The following SPTSSA variants were observed in gnomAD, a reference collection of about 807,000 sequenced individuals.
The protein encoded by SPTSSA is serine palmitoyltransferase small subunit A.
A neutral mutation model predicts 9.1 loss-of-function variants in SPTSSA; 8 were observed. The ratio of observed to expected loss-of-function variants is 0.88; its 90% CI spans 0.51 to 1.58. SPTSSA has a LOEUF of 1.58. SPTSSA is among the 40% of genes most tolerant of loss of function. SPTSSA has a pLI of 0.00. For synonymous variants in SPTSSA, 42 were observed against 37.7 expected (o/e 1.11, Z -0.41); for missense variants, 100 against 93.8 (o/e 1.07, Z -0.27).
At chr14:34,456,193 G>A (rs1226292612) in intron 1 of SPTSSA, among the ~76,000 whole-genome samples, 3 of 151,800 alleles carry the variant, frequency 2.0e-5, no homozygotes, top group Admixed American at 1.3e-4. Context: ...GTGGTGGTGG[G>A]TGCCTGTTAT....
At chr14:34,451,116 C>T (rs1771477560) in intron 1 of SPTSSA, among the ~76,000 whole-genome samples, 1 of 148,798 alleles carries the variant, frequency 6.7e-6, no homozygotes, top group Non-Finnish European at 1.5e-5. Flanking sequence ...CATATAAATA[C>T]AGTACATTAG....
At chr14:34,443,550 T>C (rs1300241605) in intron 1 of SPTSSA, among the ~76,000 whole-genome samples, 4 of 91,036 alleles carry the variant, frequency 4.4e-5, no homozygotes, top group African/African-American at 1.5e-4. Flanking sequence ...TGTGTGTGTG[T>C]TTTGAGATGG....
At chr14:34,460,138 A>G (rs1878587676) in intron 1 of SPTSSA, among the ~76,000 whole-genome samples, 1 of 152,250 alleles carries the variant, frequency 6.6e-6, no homozygotes, top group Non-Finnish European at 1.5e-5. Context: ...GTTCCAAACT[A>G]TCAGATAGTT....
intron 1 of SPTSSA, among the ~76,000 whole-genome samples, chr14:34,443,750 A>G (rs1015681528): frequency 2.0e-4 from 31 of 152,126 alleles, no homozygotes; most frequent in African/African-American, 5.5e-4. Context: ...TGGTCAGGCT[A>G]GTCTCCAACT....
chr14:34,455,892 A>G (rs1446641942), intron 1 of SPTSSA, among the ~76,000 whole-genome samples: 1 of 151,992 alleles, frequency 6.6e-6, no homozygotes, highest in Non-Finnish European at 1.5e-5. Flanking sequence ...AGATCATGCC[A>G]GTGTACTCCA....
In SPTSSA at chr14:34,435,296, G is replaced by A. The variant is rs776100964; in HGVS notation, c.121C>T (p.Leu41=). 1.2e-6 allele frequency: 2 copies of A among 1,609,824 alleles called. No individual in the cohort carries two copies. Among genetic ancestry groups the A allele is most frequent in the East Asian group, 4.5e-5 (2 of 44,786 alleles). Residue 41 remains leucine, a synonymous_variant, in exon 2 of 2, where the codon CTG becomes TTG. Coordinates refer to ENST00000298130, the MANE Select transcript of SPTSSA (RefSeq NM_138288.4). Reference sequence around the variant, plus strand: ...AGTGCCATCCCCACAATGGAAACCAGCATGGAATCTGAGTTGTAGTTAAGG... The same window carrying A: ...AGTGCCATCCCCACAATGGAAACCAACATGGAATCTGAGTTGTAGTTAAGG... ...PWERTVFNSM[L]VSIVGMALYT... is the part of the protein sequence containing the mutation.
chr14:34,454,216 T>C (rs186482093), intron 1 of SPTSSA, among the ~76,000 whole-genome samples: 153 of 152,284 alleles, frequency 1.0e-3, no homozygotes, highest in African/African-American at 3.6e-3. Flanking sequence ...TTAGCTCCTA[T>C]GTGCCATAAA....
chr14:34,457,970 G>GAAAAAAAAAAAAAAAAAA (rs1566427256), intron 1 of SPTSSA, among the ~76,000 whole-genome samples: 1 of 83,360 alleles, frequency 1.2e-5, no homozygotes. Context: ...AGACTGTCTC[G>GAAAAAAAAAAAAAAAAAA]GAAAAAAAAA....
At chr14:34,439,529 A>C (rs1429807306) in intron 1 of SPTSSA, among the ~76,000 whole-genome samples, 1 of 152,186 alleles carries the variant, frequency 6.6e-6, no homozygotes, top group African/African-American at 2.4e-5. Flanking sequence ...GACCTAGGTG[A>C]AGACCAACCA....
intron 1 of SPTSSA, among the ~76,000 whole-genome samples, chr14:34,442,962 G>GTGTC (rs1883344578): frequency 6.7e-6 from 1 of 149,756 alleles, no homozygotes; most frequent in South Asian, 2.1e-4. Context: ...GGGGGTGTGT[G>GTGTC]TGTGTGTGTG....
chr14:34,457,085 TCTCCTGC>T (rs1301360958), intron 1 of SPTSSA, among the ~76,000 whole-genome samples: 13 of 151,164 alleles, frequency 8.6e-5, no homozygotes, highest in Admixed American at 2.0e-4. Flanking sequence ...TTCAAGCAAT[TCTCCTGC>T]CTCAGCCTCC....
At chr14:34,459,444 G>A (rs1317239991) in intron 1 of SPTSSA, among the ~76,000 whole-genome samples, 1 of 141,800 alleles carries the variant, frequency 7.1e-6, no homozygotes, top group Non-Finnish European at 1.5e-5. Flanking sequence ...CGGCAACAGA[G>A]CGAGACACCG....
At chr14:34,439,688 G>A (rs12432137) in intron 1 of SPTSSA, among the ~76,000 whole-genome samples, 37,548 of 151,952 alleles carry the variant, frequency 0.25, 6,932 homozygotes, top group African/African-American at 0.52. Context: ...ATTGTTTAAT[G>A]ATAATATAAG....
At position 34,462,131 on chromosome 14, in the gene SPTSSA, A is replaced by G. The variant is rs751418545; in HGVS notation, c.77T>C (p.Leu26Pro). ...FYYQYLLVTA[L>P]YMLEPWERTV... The stretch of plus-strand genomic sequence containing the variant: ...CCGCTCCCAGGGCTCCAGCATGTAG[A>G]GCGCCGTGACCAGCAGGTACTGGTA... Residue 26 changes from leucine to proline, a missense_variant, in exon 1 of 2, where the codon CTC becomes CCC. By Grantham distance (98) the Leu-to-Pro change is moderately conservative. Transcript: ENST00000298130. The G allele has an allele frequency of 6.5e-7, 1 of 1,528,286 alleles. No individual in the cohort carries two copies. The highest frequency in any genetic ancestry group is 8.8e-7 in the Non-Finnish European group (1 of 1,133,800). 94.7% of individuals were successfully genotyped at this position (1,528,286 alleles called of 1,614,324 possible).
chr14:34,454,531 T>C (rs149686647), intron 1 of SPTSSA, among the ~76,000 whole-genome samples: 10 of 152,358 alleles, frequency 6.6e-5, no homozygotes, highest in Non-Finnish European at 1.3e-4. Flanking sequence ...ACATTCTCAC[T>C]GAATCAGCCA....
intron 1 of SPTSSA, among the ~76,000 whole-genome samples, chr14:34,443,199 GTGTGTGTGTGTGTGT>G (rs1354961462): frequency 1.7e-4 from 2 of 11,680 alleles, no homozygotes; most frequent in African/African-American, 2.3e-3. Flanking sequence ...CCTCTAGGGG[GTGTGTGTGTGTGTGT>G]GTGTGTGTGT....
intron 1 of SPTSSA, among the ~76,000 whole-genome samples, chr14:34,458,497 CTTTT>C (rs1169797122): frequency 1.4e-5 from 2 of 143,804 alleles, no homozygotes; most frequent in African/African-American, 2.6e-5. Context: ...GATCGACTTT[CTTTT>C]TATTTTTTTT....
At chr14:34,447,507 A>G (rs1433262866) in intron 1 of SPTSSA, among the ~76,000 whole-genome samples, 1 of 152,198 alleles carries the variant, frequency 6.6e-6, no homozygotes, top group Non-Finnish European at 1.5e-5. Flanking sequence ...ATGTGCAACC[A>G]TGAGGACTTA....
At chr14:34,449,249 G>A (rs1215383851) in intron 1 of SPTSSA, among the ~76,000 whole-genome samples, 1 of 151,906 alleles carries the variant, frequency 6.6e-6, no homozygotes, top group Admixed American at 6.6e-5. Context: ...CAAACAATTA[G>A]CCAGGCATGG....
Sources: gnomAD v4.1 joint callset for allele counts (sites outside exome capture counted in the v4.1 genomes callset) on GRCh38, gnomAD v4.1.1 for gene constraint, MANE v1.5 for transcripts, NCBI Gene and HGNC (gene_info 2026-07-23, HGNC 2026-07-21) for gene names.